Variants in DLG2 observed in about 807,000 individuals in gnomAD.
DLG2 encodes the protein disks large homolog 2.
In DLG2, 45 loss-of-function variants were observed where a neutral mutation model predicts 132.5. The ratio of observed to expected loss-of-function variants is 0.34; its 90% CI spans 0.27 to 0.44. The LOEUF is 0.44. DLG2 is among the 20% of genes least tolerant of loss of function. The pLI, the probability that DLG2 is intolerant of heterozygous loss-of-function variation, is 1.00. For missense variants in DLG2, 1,045 were observed against 1,196.9 expected, an observed-to-expected ratio of 0.87 and a Z score of 1.87; for synonymous variants, 424 against 419.6, an observed-to-expected ratio of 1.01 and a Z score of -0.13.
chr11:84,316,997 G>T, intron 7 of DLG2: 1 of 1,612,770 alleles, frequency 6.2e-7, no homozygotes, highest in Non-Finnish European at 8.5e-7. Flanking sequence ...GGAGGGCATG[G>T]TCTGAGAACT....
At chr11:85,222,314 C>A (rs2152612081) in intron 4 of DLG2, among the ~76,000 whole-genome samples, 1 of 152,170 alleles carries the variant, frequency 6.6e-6, no homozygotes, top group African/African-American at 2.4e-5. Context: ...AAGTCATAGA[C>A]CCATTTAGTG....
At chr11:84,298,758 A>G (rs76229400) in intron 7 of DLG2, among the ~76,000 whole-genome samples, 1 of 152,184 alleles carries the variant, frequency 6.6e-6, no homozygotes, top group African/African-American at 2.4e-5. Flanking sequence ...CCAACACAGA[A>G]ATAGAGTCAT....
At chr11:85,128,669 A>G (rs562684949) in intron 5 of DLG2, among the ~76,000 whole-genome samples, 1 of 152,190 alleles carries the variant, frequency 6.6e-6, no homozygotes, top group Non-Finnish European at 1.5e-5. Flanking sequence ...GGCTCTGCCT[A>G]ACATTATTTT....
At position 83,572,068 on chromosome 11, in the gene DLG2, G is replaced by GT. The variant is rs533051621; in HGVS notation, c.1941-30211_1941-30210insA. ...AGAATAATGTTTCCTTTGCAGTGGTGGAATTATGAGTGGGTTATCTTTGGC... is the reference window on the plus strand; with the variant it reads ...AGAATAATGTTTCCTTTGCAGTGGTGTGAATTATGAGTGGGTTATCTTTGGC... On this transcript the variant is annotated intron_variant, in intron 19 of 27. Transcript: ENST00000376104. Among the ~76,000 whole-genome samples the GT allele has an allele frequency of 3.2e-3, 485 of 151,890 alleles. 6 individuals carry two copies. Among genetic ancestry groups the GT allele is most frequent in the African/African-American group, 0.011 (472 of 41,464 alleles).
intron 21 of DLG2, among the ~76,000 whole-genome samples, chr11:83,511,046 CCT>C (rs1418480484): frequency 1.1e-5 from 1 of 92,714 alleles, no homozygotes; most frequent in Non-Finnish European, 2.3e-5. Context: ...AAAAAAAAAC[CCT>C]CTCTGTCTTC....
chr11:84,703,881 T>TATATATATATATATATATATAC lies in DLG2; in HGVS notation c.358-169151_358-169150insGTATATATATATATATATATAT, dbSNP rs1039735623. ...AGATATATATATATATATATATATA[T>TATATATATATATATATATATAC]ATACACGTGTGTGTGTGTGTGTGTG... On this transcript the variant is annotated intron_variant, in intron 6 of 27. Coordinates refer to ENST00000376104, the MANE Select transcript of DLG2 (RefSeq NM_001142699.3). Among the ~76,000 whole-genome samples, 899 of 122,504 alleles carry TATATATATATATATATATATAC rather than the reference T, an allele frequency of 7.3e-3. 26 individuals are homozygous for TATATATATATATATATATATAC. Among genetic ancestry groups the TATATATATATATATATATATAC allele is most frequent in the East Asian group, 0.029 (113 of 3,936 alleles). The allele number at this position is 122,504 out of a possible 152,430, so 80.4% of individuals were successfully genotyped here. A position where few individuals can be genotyped will look rare whatever the true frequency, so the allele number is the denominator to read the frequency against.
chr11:83,967,604 T>C (rs545188887), intron 12 of DLG2, among the ~76,000 whole-genome samples: 2 of 152,322 alleles, frequency 1.3e-5, no homozygotes, highest in South Asian at 4.1e-4. Flanking sequence ...ACTCTTGAGT[T>C]GTATCAGTTC....
intron 6 of DLG2, among the ~76,000 whole-genome samples, chr11:84,957,643 T>C (rs887160515): frequency 4.6e-5 from 7 of 152,226 alleles, no homozygotes; most frequent in South Asian, 2.1e-4. Flanking sequence ...ATTTATTACA[T>C]TGAGTTGTTT....
chr11:83,582,854 T>C (rs1159606009), intron 19 of DLG2, among the ~76,000 whole-genome samples: 4 of 152,244 alleles, frequency 2.6e-5, no homozygotes, highest in Non-Finnish European at 5.9e-5. Context: ...GCTTAGAGAT[T>C]GGCACAGAGA....
At chr11:83,709,249 GTATA>G (rs1162231235) in intron 18 of DLG2, among the ~76,000 whole-genome samples, 1 of 145,392 alleles carries the variant, frequency 6.9e-6, no homozygotes, top group Non-Finnish European at 1.5e-5. Flanking sequence ...GTGTGTGTGT[GTATA>G]TGTGTGTATA....
chr11:83,877,709 C>T (rs1158205485), intron 15 of DLG2, among the ~76,000 whole-genome samples: 2 of 152,106 alleles, frequency 1.3e-5, no homozygotes, highest in Non-Finnish European at 2.9e-5. Flanking sequence ...TGTAATTATC[C>T]TTTCACTCTC....
intron 5 of DLG2, among the ~76,000 whole-genome samples, chr11:85,122,731 A>G (rs1025065629): frequency 2.0e-5 from 3 of 151,830 alleles, no homozygotes; most frequent in Admixed American, 6.6e-5. Context: ...CATTTGGTGA[A>G]CAAACAAAAT....
chr11:83,867,603 T>A (rs552073972), intron 16 of DLG2, among the ~76,000 whole-genome samples: 2 of 152,316 alleles, frequency 1.3e-5, no homozygotes, highest in African/African-American at 4.8e-5. Flanking sequence ...ATTTTCTATG[T>A]CATCTTGCAA....
At chr11:85,396,663 G>A (rs1411625394) in intron 3 of DLG2, among the ~76,000 whole-genome samples, 1 of 152,096 alleles carries the variant, frequency 6.6e-6, no homozygotes, top group African/African-American at 2.4e-5. Context: ...CAATCAAGTG[G>A]AAGAAAGGAT....
chr11:85,110,142 C>T (rs934639191), intron 6 of DLG2, among the ~76,000 whole-genome samples: 2 of 151,822 alleles, frequency 1.3e-5, no homozygotes, highest in Non-Finnish European at 2.9e-5. Context: ...ATCAGGGATA[C>T]AATAAAAGAA....
At chr11:84,003,489 G>T (rs2094448409) in intron 11 of DLG2, among the ~76,000 whole-genome samples, 1 of 152,110 alleles carries the variant, frequency 6.6e-6, no homozygotes, top group African/African-American at 2.4e-5. Context: ...CAGCATGGCT[G>T]GGGAGGCCTC....
At chr11:85,070,304 A>AT (rs1213340263) in intron 6 of DLG2, among the ~76,000 whole-genome samples, 1 of 97,534 alleles carries the variant, frequency 1.0e-5, no homozygotes, top group African/African-American at 5.3e-5. Context: ...AAGTATAATA[A>AT]AAAATAAATA....
chr11:84,585,025 CA>C (rs1194233853), intron 6 of DLG2, among the ~76,000 whole-genome samples: 2 of 151,996 alleles, frequency 1.3e-5, no homozygotes, highest in African/African-American at 2.4e-5. Flanking sequence ...CAACATCTTT[CA>C]ATTATTGGTT....
At chr11:84,793,188 A>G (rs564271038) in intron 6 of DLG2, among the ~76,000 whole-genome samples, 1 of 152,304 alleles carries the variant, frequency 6.6e-6, no homozygotes, top group Admixed American at 6.5e-5. Flanking sequence ...ATTCAGAAGC[A>G]CATTGTTTAA....
Sources: gnomAD v4.1 joint callset for allele counts (sites outside exome capture counted in the v4.1 genomes callset) on GRCh38, gnomAD v4.1.1 for gene constraint, MANE v1.5 for transcripts, NCBI Gene and HGNC (gene_info 2026-07-23, HGNC 2026-07-21) for gene names.